Variants in PCDHA10 observed in about 807,000 individuals in gnomAD.
PCDHA10 encodes the protein protocadherin alpha 10, also known as protocadherin alpha-10.
PCDHA10 carries 45 observed loss-of-function variants against 61.2 expected under a neutral mutation model. The observed-to-expected ratio is 0.74, with a 90% CI of 0.58 to 0.94. The LOEUF is 0.94. Among genes scored for constraint, PCDHA10 ranks in the 40% least tolerant of loss-of-function variants. PCDHA10 has a pLI of 0.00. For missense variants in PCDHA10, 1,278 were observed against 1,236.2 expected, an observed-to-expected ratio of 1.03 and a Z score of -0.51; for synonymous variants, 602 against 548.8, an observed-to-expected ratio of 1.10 and a Z score of -1.35.
intron 3 of PCDHA10, among the ~76,000 whole-genome samples, chr5:140,996,953 TCCCTCAATC>T (rs1554255576): frequency 6.6e-6 from 1 of 152,202 alleles, no homozygotes; most frequent in Non-Finnish European, 1.5e-5. Flanking sequence ...AATATTTATT[TCCCTCAATC>T]CCACTCCCCT....
intron 1 of PCDHA10, chr5:140,876,989 G>A (rs781957201): frequency 6.2e-7 from 1 of 1,612,664 alleles, no homozygotes. Context: ...GCACTGTCGA[G>A]CTACGTGTCG....
intron 1 of PCDHA10, chr5:140,928,189 G>A (rs1563102575): frequency 2.5e-6 from 4 of 1,614,214 alleles, no homozygotes; most frequent in Non-Finnish European, 3.4e-6. Context: ...GACAATCACT[G>A]TGTCAGTTGC....
rs781874469 is a variant in PCDHA10 at position 140,967,699 on chromosome 5, T to A, written c.2389-11250T>A. On this transcript the variant is annotated intron_variant, in intron 1 of 3. Coordinates refer to ENST00000307360, the MANE Select transcript of PCDHA10 (RefSeq NM_018901.4). ...GGGAGAGGCAGCTCTTCAGCATAGA[T>A]GCCAGTACCGGGGAAGTGCGAGTAA... The A allele has an allele frequency of 1.2e-6, 2 of 1,614,154 alleles. No individual in the cohort carries two copies. Among genetic ancestry groups the A allele is most frequent in the Non-Finnish European group, 1.7e-6 (2 of 1,180,034 alleles).
chr5:140,951,983 A>G (rs1043433314), intron 1 of PCDHA10, among the ~76,000 whole-genome samples: 1 of 152,214 alleles, frequency 6.6e-6, no homozygotes, highest in African/African-American at 2.4e-5. Context: ...CAAAAGGGAA[A>G]AACCAGCCAA....
intron 1 of PCDHA10, chr5:140,871,636 T>G (rs1311531075): frequency 1.5e-6 from 2 of 1,364,670 alleles, no homozygotes; most frequent in African/African-American, 2.9e-5. Flanking sequence ...TGTCTGTTCA[T>G]AAAATACCAA....
At chr5:140,923,226 G>T (rs2081248805) in intron 1 of PCDHA10, among the ~76,000 whole-genome samples, 1 of 71,914 alleles carries the variant, frequency 1.4e-5, no homozygotes, top group Admixed American at 1.5e-4. Flanking sequence ...GATCGTTTGA[G>T]CCCAGAAGTT....
rs782180138 is a variant in PCDHA10, at chr5:140,856,292, A to G, written c.244A>G (p.Ile82Val). 5 of 1,598,490 alleles carry G rather than the reference A, an allele frequency of 3.1e-6. 1 individual carries two copies. ...DLLEVNLQNGILFVNSRIDRE... is the reference protein window; with the variant it reads ...DLLEVNLQNGVLFVNSRIDRE... The stretch of plus-strand genomic sequence containing the variant: ...TCTGGAGGTAAATCTGCAGAATGGC[A>G]TTTTGTTTGTGAATTCTCGGATTGA... Residue 82 changes from isoleucine (I) to valine (V), a missense_variant, in exon 1 of 4, where the codon ATT (isoleucine) becomes GTT (valine). Ile to Val is a conservative substitution (Grantham distance 29). Transcript: ENST00000307360.
At position 140,916,615 on chromosome 5, in the gene PCDHA10, T is replaced by C. The variant is rs191815089; in HGVS notation, c.2388+58179T>C. Among the ~76,000 whole-genome samples the C allele has an allele frequency of 2.6e-5, 4 of 152,270 alleles. No homozygotes were observed. In the East Asian group the frequency reaches 5.8e-4, roughly 22 times the overall value. On this transcript the variant is annotated intron_variant, in intron 1 of 3. Transcript: ENST00000307360. ...GGGCCTGGAATGCGGGCCTCATGAC[T>C]CTACTCAATGCCCTATCCTACTGTG...
intron 1 of PCDHA10, chr5:140,929,048 G>A (rs782818540): frequency 1.9e-5 from 31 of 1,614,088 alleles, no homozygotes; most frequent in Middle Eastern, 1.6e-4. Flanking sequence ...CAGAGCTGCT[G>A]TCGCTCTACA....
At chr5:140,923,045 T>C (rs1554201134) in intron 1 of PCDHA10, among the ~76,000 whole-genome samples, 1 of 152,226 alleles carries the variant, frequency 6.6e-6, no homozygotes, top group Non-Finnish European at 1.5e-5. Context: ...ATGTATAGTA[T>C]TTAGAATAAA....
chr5:140,956,408 C>T (rs1192859348), intron 1 of PCDHA10, among the ~76,000 whole-genome samples: 1 of 152,122 alleles, frequency 6.6e-6, no homozygotes, highest in Non-Finnish European at 1.5e-5. Context: ...TTGAGATAAT[C>T]ATGTGGGTTT....
At chr5:140,890,784 T>C (rs2062805881) in intron 1 of PCDHA10, among the ~76,000 whole-genome samples, 1 of 152,212 alleles carries the variant, frequency 6.6e-6, no homozygotes, top group South Asian at 2.1e-4. Flanking sequence ...CCATAAGATA[T>C]TAGTATTATT....
chr5:140,870,155 T>C (rs1554163855), intron 1 of PCDHA10: 4 of 1,614,014 alleles, frequency 2.5e-6, no homozygotes, highest in Non-Finnish European at 3.4e-6. Flanking sequence ...GAAGTCGCCG[T>C]GACTTCCTTG....
intron 1 of PCDHA10, among the ~76,000 whole-genome samples, chr5:140,939,903 C>A (rs782506444): frequency 3.9e-4 from 60 of 152,166 alleles, no homozygotes; most frequent in Non-Finnish European, 5.9e-4. Flanking sequence ...ATTCTGCATT[C>A]TTTTTTATTC....
chr5:140,896,404 G>T (rs1003824556), intron 1 of PCDHA10, among the ~76,000 whole-genome samples: 4 of 151,996 alleles, frequency 2.6e-5, no homozygotes, highest in Admixed American at 2.6e-4. Context: ...TGTTATTTTT[G>T]ACTTTTTAGT....
At chr5:140,951,723 A>C (rs1364455679) in intron 1 of PCDHA10, among the ~76,000 whole-genome samples, 1 of 152,104 alleles carries the variant, frequency 6.6e-6, no homozygotes, top group African/African-American at 2.4e-5. Context: ...GATCCAAACC[A>C]TGTCATTCTG....
intron 1 of PCDHA10, among the ~76,000 whole-genome samples, chr5:140,946,113 G>T (rs1241993026): frequency 6.6e-6 from 1 of 151,816 alleles, no homozygotes; most frequent in Non-Finnish European, 1.5e-5. Context: ...AAATATATAA[G>T]GAACTCAAAC....
intron 1 of PCDHA10, among the ~76,000 whole-genome samples, chr5:140,953,460 G>A (rs1025295552): frequency 1.3e-5 from 2 of 152,116 alleles, no homozygotes; most frequent in Non-Finnish European, 2.9e-5. Context: ...ATCTGTCAGA[G>A]TTTTAACTTC....
At chr5:140,993,227 C>T (rs1464075096) in intron 3 of PCDHA10, among the ~76,000 whole-genome samples, 1 of 152,084 alleles carries the variant, frequency 6.6e-6, no homozygotes, top group African/African-American at 2.4e-5. Context: ...TTGGTATGTT[C>T]TCTCTGAATC....
Sources: allele counts gnomAD v4.1 joint callset (sites outside exome capture counted in the v4.1 genomes callset), GRCh38; gene constraint gnomAD v4.1.1; transcripts MANE v1.5; gene names NCBI Gene and HGNC (gene_info 2026-07-23, HGNC 2026-07-21).